AFG2A: variants seen among roughly 807,000 people sequenced by gnomAD.
AFG2A encodes the protein AAA ATPase AFG2A.
At chr4:123,141,717 C>T in the AFG2A span, among the ~76,000 whole-genome samples, 2 of 152,250 alleles carry the variant, frequency 1.3e-5, no homozygotes, top group African/African-American at 2.4e-5. Flanking sequence ...GGAGAAACGT[C>T]TATGCAAGTT....
chr4:123,234,834 A>G, the AFG2A span, among the ~76,000 whole-genome samples: 1 of 152,044 alleles, frequency 6.6e-6, no homozygotes, highest in African/African-American at 2.4e-5. Flanking sequence ...CCCACCACTT[A>G]CCAGCTATGT....
chr4:123,260,413 T>G, the AFG2A span, among the ~76,000 whole-genome samples: 1 of 152,216 alleles, frequency 6.6e-6, no homozygotes, highest in Non-Finnish European at 1.5e-5. Flanking sequence ...GCTTGACATT[T>G]AAAAAATCAC....
the AFG2A span, among the ~76,000 whole-genome samples, chr4:122,999,760 C>A: frequency 1.3e-5 from 2 of 152,136 alleles, no homozygotes; most frequent in Non-Finnish European, 1.5e-5. Context: ...CAGCTTTGTT[C>A]TTTTGGCTTA....
the AFG2A span, among the ~76,000 whole-genome samples, chr4:123,201,882 G>A: frequency 2.6e-5 from 4 of 151,934 alleles, no homozygotes; most frequent in Admixed American, 6.6e-5. Context: ...AGATGATGCC[G>A]CTGCACTCCA....
At chr4:123,110,717 C>T in the AFG2A span, among the ~76,000 whole-genome samples, 96,313 of 152,074 alleles carry the variant, frequency 0.63, 34,218 homozygotes, top group East Asian at 0.97. Context: ...GCTTTATGTA[C>T]ATAATCTGTA....
the AFG2A span, among the ~76,000 whole-genome samples, chr4:123,007,587 TGTGTGTGTGTGTGTGTGTGTGTA>T: frequency 5.5e-4 from 2 of 3,628 alleles, no homozygotes; most frequent in Non-Finnish European, 1.4e-3. Context: ...TGTGTGTGTG[TGTGTGTGTGTGTGTGTGTGTGTA>T]TATATATATA....
the AFG2A span, among the ~76,000 whole-genome samples, chr4:123,204,803 GTAGT>G: frequency 6.6e-6 from 1 of 152,244 alleles, no homozygotes; most frequent in East Asian, 1.9e-4. Flanking sequence ...TGATTTGGAT[GTAGT>G]TAGAGTTGGA....
At chr4:123,178,812 A>G in the AFG2A span, among the ~76,000 whole-genome samples, 3 of 152,186 alleles carry the variant, frequency 2.0e-5, no homozygotes, top group Non-Finnish European at 2.9e-5. Flanking sequence ...TATCTTTGCA[A>G]TAAAGAATAT....
the AFG2A span, among the ~76,000 whole-genome samples, chr4:123,287,521 T>C: frequency 1.3e-5 from 2 of 152,238 alleles, no homozygotes; most frequent in African/African-American, 4.8e-5. Flanking sequence ...AAAAACCAAC[T>C]TGTTAAGACT....
At chr4:122,923,328 C>G in the AFG2A span, 1 of 1,612,970 alleles carries the variant, frequency 6.2e-7, no homozygotes, top group East Asian at 2.2e-5. Flanking sequence ...GGGTGGGAGA[C>G]TAGAGGCCGA....
the AFG2A span, among the ~76,000 whole-genome samples, chr4:123,297,860 C>G: frequency 1.3e-5 from 2 of 152,268 alleles, no homozygotes; most frequent in East Asian, 1.9e-4. Context: ...CATTTTGAGG[C>G]ATTGTGTTGC....
the AFG2A span, among the ~76,000 whole-genome samples, chr4:123,128,662 T>C: frequency 1.3e-5 from 2 of 152,248 alleles, no homozygotes; most frequent in East Asian, 3.9e-4. Context: ...TACTTAATTA[T>C]TATAGCTGAG....
the AFG2A span, among the ~76,000 whole-genome samples, chr4:123,311,583 C>T: frequency 2.2e-5 from 3 of 138,692 alleles, no homozygotes; most frequent in African/African-American, 5.6e-5. Flanking sequence ...GCCGAGATTA[C>T]GCCACTGCAC....
At chr4:123,279,144 G>A in the AFG2A span, among the ~76,000 whole-genome samples, 5 of 152,126 alleles carry the variant, frequency 3.3e-5, no homozygotes, top group Admixed American at 6.5e-5. Context: ...GGCCAGGCGC[G>A]GTGGCTCATG....
At chr4:122,993,908 T>C in the AFG2A span, among the ~76,000 whole-genome samples, 3 of 152,062 alleles carry the variant, frequency 2.0e-5, no homozygotes, top group Non-Finnish European at 4.4e-5. Context: ...TTACTTTTAA[T>C]GGATTTTACA....
the AFG2A span, chr4:122,936,239 A>G: frequency 2.0e-6 from 2 of 979,020 alleles, no homozygotes; most frequent in South Asian, 2.2e-5. Context: ...TATACAAAGC[A>G]TAAACAGTAG....
the AFG2A span, among the ~76,000 whole-genome samples, chr4:123,074,232 T>G: frequency 7.3e-5 from 11 of 151,494 alleles, no homozygotes; most frequent in Admixed American, 5.9e-4. Context: ...ATAGCTGGGA[T>G]TACAGGCGCA....
At chr4:123,267,403 A>G in the AFG2A span, among the ~76,000 whole-genome samples, 1 of 152,000 alleles carries the variant, frequency 6.6e-6, no homozygotes, top group Non-Finnish European at 1.5e-5. Context: ...TTTTATATTT[A>G]TAGCAAAGTT....
chr4:123,010,723 G>A, the AFG2A span, among the ~76,000 whole-genome samples: 24,732 of 152,134 alleles, frequency 0.16, 2,450 homozygotes, highest in East Asian at 0.45. Flanking sequence ...TTTGCTCAGC[G>A]ATCTAACCAC....
Sources: allele counts gnomAD v4.1 joint callset (sites outside exome capture counted in the v4.1 genomes callset), GRCh38; gene constraint gnomAD v4.1.1; transcripts MANE v1.5; gene names NCBI Gene and HGNC (gene_info 2026-07-23, HGNC 2026-07-21).